The following DNAH7 variants were observed in gnomAD, a reference collection of about 807,000 sequenced individuals.
The protein encoded by DNAH7 is dynein axonemal heavy chain 7.
A neutral mutation model predicts 444.6 loss-of-function variants in DNAH7; 397 were observed. The ratio of observed to expected loss-of-function variants is 0.89; its 90% CI spans 0.82 to 0.97. The LOEUF (loss-of-function observed/expected upper bound fraction) is 0.97, where lower values mean the gene tolerates loss of function less well. Among genes scored for constraint, DNAH7 ranks in the 50% least tolerant of loss-of-function variants. The probability of loss-of-function intolerance (pLI) is 0.00; values close to 1 mark genes in which losing one functional copy is unlikely to be tolerated. For synonymous variants in DNAH7, 1,636 were observed against 1,624.4 expected (o/e 1.01, Z -0.17); for missense variants, 4,902 against 4,800.8 (o/e 1.02, Z -0.62).
chr2:195,983,507 A>G (rs1287847067), intron 15 of DNAH7, among the ~76,000 whole-genome samples: 1 of 152,124 alleles, frequency 6.6e-6, no homozygotes, highest in African/African-American at 2.4e-5. Flanking sequence ...CTTTTTAATA[A>G]TCAGATCTCA....
intron 1 of DNAH7, among the ~76,000 whole-genome samples, chr2:196,060,286 G>A (rs2125891248): frequency 6.6e-6 from 1 of 152,220 alleles, no homozygotes; most frequent in East Asian, 1.9e-4. Context: ...GAGATGGCTT[G>A]GAGCAGAGTA....
At chr2:195,869,658 G>A (rs1226741143) in intron 40 of DNAH7, among the ~76,000 whole-genome samples, 1 of 152,088 alleles carries the variant, frequency 6.6e-6, no homozygotes, top group East Asian at 1.9e-4. Flanking sequence ...ATCAATATCT[G>A]GGGGAAATAT....
At chr2:195,878,764 A>C (rs1169125447) in intron 36 of DNAH7, among the ~76,000 whole-genome samples, 1 of 152,202 alleles carries the variant, frequency 6.6e-6, no homozygotes, top group Non-Finnish European at 1.5e-5. Context: ...AATATAAAAA[A>C]CTTCCAAAAG....
intron 24 of DNAH7, among the ~76,000 whole-genome samples, chr2:195,918,862 A>G (rs1687847445): frequency 1.3e-5 from 2 of 152,232 alleles, no homozygotes; most frequent in African/African-American, 4.8e-5. Flanking sequence ...TCTACAACGC[A>G]GTAGACCCTG....
At chr2:195,998,014 T>C (rs951160695) in intron 12 of DNAH7, among the ~76,000 whole-genome samples, 4 of 152,288 alleles carry the variant, frequency 2.6e-5, no homozygotes, top group Admixed American at 1.3e-4. Context: ...CAAGTACCTT[T>C]GAACCTAAAA....
At position 195,756,115 on chromosome 2, in the gene DNAH7, T is replaced by C. The variant is rs1694058545; in HGVS notation, c.11586+18A>G. 6.3e-7 allele frequency: 1 copy of C among 1,586,162 alleles called. No individual in the cohort carries two copies. Among genetic ancestry groups the C allele is most frequent in the Admixed American group, 1.8e-5 (1 of 56,168 alleles). ...CCAGGAGAAACTTAACAATATACGA[T>C]CATTTAGACGAACTTACCTGCAAGA... On this transcript the variant is annotated intron_variant, in intron 62 of 64. Transcript: ENST00000312428.
At chr2:195,835,458 T>C (rs1207707554) in intron 47 of DNAH7, among the ~76,000 whole-genome samples, 12 of 151,610 alleles carry the variant, frequency 7.9e-5, no homozygotes, top group Non-Finnish European at 1.8e-4. Context: ...TTCACTCTCA[T>C]TATAACATGA....
intron 61 of DNAH7, among the ~76,000 whole-genome samples, chr2:195,765,598 T>C (rs1464525173): frequency 1.3e-5 from 2 of 152,048 alleles, no homozygotes; most frequent in African/African-American, 4.8e-5. Flanking sequence ...AAAGAAGACA[T>C]ACAAATGGCA....
At chr2:195,820,736 A>G (rs778074735) in intron 49 of DNAH7, among the ~76,000 whole-genome samples, 1 of 152,218 alleles carries the variant, frequency 6.6e-6, no homozygotes, top group East Asian at 1.9e-4. Flanking sequence ...CCATTTTGGC[A>G]TACCGAAATC....
intron 12 of DNAH7, among the ~76,000 whole-genome samples, chr2:195,993,057 G>A (rs1693453826): frequency 6.6e-6 from 1 of 152,176 alleles, no homozygotes; most frequent in Non-Finnish European, 1.5e-5. Flanking sequence ...CCTGAGAAGT[G>A]GTCTCCGAGT....
rs764088728 is a variant in DNAH7, at chr2:196,054,119, C to G, written c.79-2870G>C. On this transcript the variant is annotated intron_variant, in intron 2 of 64. Transcript: ENST00000312428. ...CACCAATAGGTTCCAAAATATCTCCCTGTTAAAATCTAGCCCTTTAAGACC... is the reference window on the plus strand; with the variant it reads ...CACCAATAGGTTCCAAAATATCTCCGTGTTAAAATCTAGCCCTTTAAGACC... Among the ~76,000 whole-genome samples, 8 of 152,190 alleles carry G rather than the reference C, an allele frequency of 5.3e-5. 1 individual carries two copies. The highest frequency in any genetic ancestry group is 1.2e-4 in the African/African-American group (5 of 41,438).
At chr2:195,980,279 T>G (rs1052040177) in intron 15 of DNAH7, among the ~76,000 whole-genome samples, 7 of 152,078 alleles carry the variant, frequency 4.6e-5, no homozygotes, top group Non-Finnish European at 8.8e-5. Context: ...AAGGTGCTTT[T>G]CCACCGGGCT....
At chr2:195,886,321 G>C in intron 33 of DNAH7, 49 bp from the exon 34 acceptor site, 1 of 1,524,366 alleles carries the variant, frequency 6.6e-7, no homozygotes, top group Non-Finnish European at 9.0e-7. Flanking sequence ...TTAGGTAATA[G>C]CTAAAATAGC....
chr2:195,816,376 TA>T (rs1697219481), intron 51 of DNAH7, among the ~76,000 whole-genome samples: 1 of 152,214 alleles, frequency 6.6e-6, no homozygotes, highest in Admixed American at 6.5e-5. Flanking sequence ...AAAAATAAGG[TA>T]AACGTTTTCT....
intron 58 of DNAH7, among the ~76,000 whole-genome samples, chr2:195,786,806 T>C (rs927490648): frequency 4.6e-5 from 7 of 152,216 alleles, no homozygotes; most frequent in Admixed American, 1.3e-4. Context: ...GGGTTTCTAA[T>C]AGACAAACTG....
chr2:196,046,672 T>A (rs1697148106), intron 5 of DNAH7, among the ~76,000 whole-genome samples: 1 of 152,066 alleles, frequency 6.6e-6, no homozygotes, highest in Non-Finnish European at 1.5e-5. Context: ...TTGTAAGCAC[T>A]CAGTACCCAC....
At chr2:195,785,045 G>A (rs1695550135) in intron 58 of DNAH7, among the ~76,000 whole-genome samples, 1 of 151,884 alleles carries the variant, frequency 6.6e-6, no homozygotes, top group South Asian at 2.1e-4. Flanking sequence ...CCGAGTAGCT[G>A]GGACTACAGG....
Position 195,799,426 on chromosome 2 carries a change from G to T in DNAH7, c.10223C>A (p.Ala3408Glu). The T allele has an allele frequency of 1.2e-6, 2 of 1,609,042 alleles. No individual in the cohort carries two copies. Among genetic ancestry groups the T allele is most frequent in the Non-Finnish European group, 8.5e-7 (1 of 1,177,738 alleles). The change falls in exon 55 of 65, where the codon GCA becomes GAA. Residue 3408 changes from alanine (A) to glutamate (E), a missense_variant. Coordinates refer to ENST00000312428, the MANE Select transcript of DNAH7 (RefSeq NM_018897.3). ...ATCAAAGGGGGGTGGTTCAATGAAT[G>T]CACGTCCCAATCTGTTGATTATAAA... ...QEFIINRLGR[A>E]FIEPPPFDLA...
At position 195,906,940 on chromosome 2, in the gene DNAH7, CAG is replaced by C. The variant is rs1687063789; in HGVS notation, c.4172_4173del (p.Ser1391CysfsTer14). The C allele has an allele frequency of 6.2e-7, 1 of 1,613,340 alleles. No individual in the cohort carries two copies. The highest frequency in any genetic ancestry group is 1.1e-5 in the South Asian group (1 of 91,048). On this transcript the variant is annotated frameshift_variant, in exon 26 of 65. Coordinates refer to ENST00000312428, the MANE Select transcript of DNAH7 (RefSeq NM_018897.3). LOFTEE classifies it high-confidence loss of function. ...EFNRIDLEVL[S>X]VVAQQILTIQ... is the part of the protein sequence containing the mutation. ...ATAGTAAGGATTTGTTGAGCAACCA[CAG>C]AGAGTACTTCCAAATCAATTCTGTT...
Sources: gnomAD v4.1 joint callset for allele counts (sites outside exome capture counted in the v4.1 genomes callset) on GRCh38, gnomAD v4.1.1 for gene constraint, MANE v1.5 for transcripts, NCBI Gene and HGNC (gene_info 2026-07-23, HGNC 2026-07-21) for gene names.